Variants in ELAVL4 observed in about 807,000 individuals in gnomAD.
The protein encoded by ELAVL4 is ELAV like RNA binding protein 4, also known as ELAV-like protein 4.
Under a neutral mutation model 35.6 loss-of-function variants are expected in ELAVL4, and 1 was observed. That is an observed-to-expected ratio of 0.03 (90% CI 0.01 to 0.13). ELAVL4 has a LOEUF of 0.13. Ranked by LOEUF, ELAVL4 falls within the 10% of genes least tolerant of loss-of-function variation. The pLI is 1.00. For synonymous variants in ELAVL4, 156 were observed against 171.0 expected (o/e 0.91, Z 0.69); for missense variants, 267 against 464.9 (o/e 0.57, Z 3.91).
chr1:50,191,188 A>T (rs987031401), intron 3 of ELAVL4, among the ~76,000 whole-genome samples: 2 of 152,190 alleles, frequency 1.3e-5, no homozygotes, highest in Non-Finnish European at 1.5e-5. Context: ...GCAAGAGACT[A>T]TGCCTTGTTC....
At chr1:50,194,240 A>G (rs909700347) in intron 4 of ELAVL4, among the ~76,000 whole-genome samples, 1 of 152,164 alleles carries the variant, frequency 6.6e-6, no homozygotes, top group African/African-American at 2.4e-5. Flanking sequence ...ACCAAATAAC[A>G]TTACTTTTGT....
chr1:50,054,307 A>G (rs1251526914), intron 1 of ELAVL4, among the ~76,000 whole-genome samples: 4 of 152,198 alleles, frequency 2.6e-5, no homozygotes, highest in Non-Finnish European at 5.9e-5. Flanking sequence ...GATCTGGAAA[A>G]GGGAGGAAGG....
intron 1 of ELAVL4, among the ~76,000 whole-genome samples, chr1:50,076,342 GAGAA>G (rs1177618621): frequency 6.6e-6 from 1 of 152,172 alleles, no homozygotes; most frequent in East Asian, 1.9e-4. Context: ...TTTTGAGAGA[GAGAA>G]AGAGATCACG....
chr1:50,194,987 C>A (rs1424928116), intron 4 of ELAVL4, among the ~76,000 whole-genome samples: 2 of 152,148 alleles, frequency 1.3e-5, no homozygotes, highest in Non-Finnish European at 2.9e-5. Flanking sequence ...TTGCCAGAGG[C>A]ATTGAATGCT....
intron 3 of ELAVL4, among the ~76,000 whole-genome samples, chr1:50,184,840 A>G (rs910548297): frequency 6.6e-6 from 1 of 152,166 alleles, no homozygotes; most frequent in Non-Finnish European, 1.5e-5. Context: ...AATGATCCTA[A>G]AGGTCCCTTC....
At chr1:50,180,205 A>G (rs1680800558) in intron 3 of ELAVL4, 1 of 151,120 alleles carries the variant, frequency 6.6e-6, no homozygotes, top group African/African-American at 2.4e-5. Context: ...TGAATGGCTC[A>G]TTACAGGTCC....
chr1:50,158,623 A>G (rs1366559859), intron 2 of ELAVL4, among the ~76,000 whole-genome samples: 1 of 152,104 alleles, frequency 6.6e-6, no homozygotes, highest in Non-Finnish European at 1.5e-5. Flanking sequence ...GTGTCTTCAG[A>G]TGTCTGACTC....
At chr1:50,054,257 G>A (rs546420589) in intron 1 of ELAVL4, among the ~76,000 whole-genome samples, 9 of 152,288 alleles carry the variant, frequency 5.9e-5, no homozygotes, top group Admixed American at 6.5e-5. Context: ...AATAGAAAAT[G>A]GACTTCTGCT....
At chr1:50,083,845 C>G (rs1245586477) in intron 1 of ELAVL4, among the ~76,000 whole-genome samples, 1 of 152,260 alleles carries the variant, frequency 6.6e-6, no homozygotes, top group East Asian at 1.9e-4. Context: ...TTGTAAAGAA[C>G]CTGTGGCATT....
intron 1 of ELAVL4, among the ~76,000 whole-genome samples, chr1:50,052,837 A>G (rs1663457652): frequency 6.6e-6 from 1 of 152,206 alleles, no homozygotes; most frequent in Non-Finnish European, 1.5e-5. Flanking sequence ...TCCAAAGAAA[A>G]GAAAAAACTG....
chr1:50,109,971 G>A, intron 1 of ELAVL4: 1 of 1,612,304 alleles, frequency 6.2e-7, no homozygotes, highest in Non-Finnish European at 8.5e-7. Context: ...GATGGTAAGT[G>A]AAAAGAGGAA....
At chr1:50,134,911 G>T (rs538247798) in intron 1 of ELAVL4, among the ~76,000 whole-genome samples, 1 of 152,250 alleles carries the variant, frequency 6.6e-6, no homozygotes, top group African/African-American at 2.4e-5. Context: ...AAGAAACACT[G>T]TAAAATGTAA....
At chr1:50,144,132 G>A (rs1479645542) in intron 1 of ELAVL4, among the ~76,000 whole-genome samples, 2 of 152,252 alleles carry the variant, frequency 1.3e-5, no homozygotes, top group South Asian at 2.1e-4. Flanking sequence ...GCTCCCTGAG[G>A]ATAGGGATTC....
chr1:50,196,137 C>T (rs1233256559), intron 5 of ELAVL4, among the ~76,000 whole-genome samples: 6 of 152,232 alleles, frequency 3.9e-5, no homozygotes, highest in African/African-American at 1.2e-4. Context: ...TGGACAGTGG[C>T]TTTTAATAAA....
At chr1:50,089,958 AT>A (rs1460673533) in intron 1 of ELAVL4, among the ~76,000 whole-genome samples, 2 of 152,160 alleles carry the variant, frequency 1.3e-5, no homozygotes, top group African/African-American at 4.8e-5. Flanking sequence ...AGAGATTCAG[AT>A]GTTTAAGAGT....
intron 6 of ELAVL4, 115 bp from the exon 7 acceptor site, chr1:50,200,736 C>T (rs1644351039): frequency 2.6e-6 from 4 of 1,515,314 alleles, no homozygotes; most frequent in Non-Finnish European, 3.5e-6. Flanking sequence ...ACCCTGAAGA[C>T]TCTCCTGTAA....
chr1:50,061,552 C>T (rs1663972202), intron 1 of ELAVL4, among the ~76,000 whole-genome samples: 1 of 152,170 alleles, frequency 6.6e-6, no homozygotes, highest in Admixed American at 6.5e-5. Flanking sequence ...TAATGGAAAC[C>T]TCACAACCCC....
intron 3 of ELAVL4, among the ~76,000 whole-genome samples, chr1:50,182,267 T>G (rs897339802): frequency 2.6e-5 from 4 of 152,212 alleles, no homozygotes; most frequent in Non-Finnish European, 5.9e-5. Flanking sequence ...TACCAAAGTT[T>G]TGGATTGATG....
At chr1:50,112,339 A>G (rs1374860992) in intron 1 of ELAVL4, among the ~76,000 whole-genome samples, 1 of 152,120 alleles carries the variant, frequency 6.6e-6, no homozygotes, top group Non-Finnish European at 1.5e-5. Context: ...AATTTCTGTA[A>G]GAAGTGTCAT....
Sources: gnomAD v4.1 joint callset for allele counts (sites outside exome capture counted in the v4.1 genomes callset) on GRCh38, gnomAD v4.1.1 for gene constraint, MANE v1.5 for transcripts, NCBI Gene and HGNC (gene_info 2026-07-23, HGNC 2026-07-21) for gene names.